Variants in FUT8 observed in about 807,000 individuals in gnomAD.
FUT8 encodes the protein fucosyltransferase 8.
In FUT8, 29 loss-of-function variants were observed where a neutral mutation model predicts 71.3. The ratio of observed to expected loss-of-function variants is 0.41; its 90% CI spans 0.30 to 0.55. FUT8 has a LOEUF of 0.55. Ranked by LOEUF, FUT8 falls within the 20% of genes least tolerant of loss-of-function variation. The pLI, the probability that FUT8 is intolerant of heterozygous loss-of-function variation, is 0.34. For missense variants in FUT8, 544 were observed against 702.1 expected, an observed-to-expected ratio of 0.77 and a Z score of 2.55; for synonymous variants, 254 against 239.3, an observed-to-expected ratio of 1.06 and a Z score of -0.57.
intron 1 of FUT8, among the ~76,000 whole-genome samples, chr14:65,448,727 T>G (rs1043442265): frequency 6.6e-6 from 1 of 152,108 alleles, no homozygotes; most frequent in Non-Finnish European, 1.5e-5. Context: ...GATTTAGAAA[T>G]TCAAGCTGTG....
At position 65,627,192 on chromosome 14, in the gene FUT8, A is replaced by C. The variant is rs143892537; in HGVS notation, c.483-2300A>C. On this transcript the variant is annotated intron_variant, in intron 5 of 10. Coordinates refer to ENST00000673929, the MANE Select transcript of FUT8 (RefSeq NM_001371533.1). The surrounding 1 kb of genome is among the most constrained non-coding windows in gnomAD (Gnocchi z 4.0). ...GAGCTTAAATTCTAGTAGGGCAGAA[A>C]GATAAGAAGTAAGTAATATTGTATA... is the stretch of plus-strand genomic sequence containing the variant. Among the ~76,000 whole-genome samples, 14 of 152,310 alleles carry C rather than the reference A, an allele frequency of 9.2e-5. No individual in the cohort carries two copies. Among genetic ancestry groups the C allele is most frequent in the African/African-American group, 3.4e-4 (14 of 41,568 alleles).
chr14:65,412,624 G>A (rs1334823680), upstream of FUT8: 1 of 296,824 alleles, frequency 3.4e-6, no homozygotes, highest in Non-Finnish European at 6.5e-6. Context: ...GCGAGGAAGG[G>A]GGCGGGGAGA....
In FUT8 at chr14:65,668,003, G is replaced by T. The variant is rs934240484; in HGVS notation, c.598-1240G>T. ...CTCCCTATTCAATAAATTGTGCTGG[G>T]ATAACTGGTTAGCTATATGCATAAG... On this transcript the variant is annotated intron_variant, in intron 6 of 10. Coordinates refer to ENST00000673929, the MANE Select transcript of FUT8 (RefSeq NM_001371533.1). Among the ~76,000 whole-genome samples, 4 of 152,118 alleles carry T rather than the reference G, an allele frequency of 2.6e-5. No homozygotes were observed. The East Asian group carries it at 7.7e-4, about 29-fold the overall frequency.
At chr14:65,418,245 C>G (rs777343554) in intron 1 of FUT8, among the ~76,000 whole-genome samples, 3 of 152,098 alleles carry the variant, frequency 2.0e-5, no homozygotes, top group African/African-American at 7.2e-5. Flanking sequence ...TTACCTTTAA[C>G]GTATAACTAA....
rs2065175320 is a variant in FUT8, at chr14:65,413,648, G to A, written c.-326+434G>A. Reference sequence around the variant, plus strand: ...GCGGTTTGTGGGGAGGAAGATGCCCGTGCGTTATGGGCTCTTTCTGAGTGC... The same window carrying A: ...GCGGTTTGTGGGGAGGAAGATGCCCATGCGTTATGGGCTCTTTCTGAGTGC... On this transcript the variant is annotated intron_variant, in intron 1 of 10. Transcript: ENST00000673929. This position sits in a 1 kb window ranked among gnomAD's most constrained non-coding sequence, Gnocchi z 4.1. Among the ~76,000 whole-genome samples, 1 of 152,198 alleles carries A rather than the reference G, an allele frequency of 6.6e-6. No homozygotes were observed. The highest frequency in any genetic ancestry group is 1.9e-4 in the East Asian group (1 of 5,192).
At chr14:65,715,159 T>G (rs2139326278) in intron 7 of FUT8, among the ~76,000 whole-genome samples, 1 of 152,368 alleles carries the variant, frequency 6.6e-6, no homozygotes, top group Middle Eastern at 3.4e-3. Flanking sequence ...GTGTTCCAGA[T>G]CTTAGAGAAG....
chr14:65,585,361 A>AT (rs2140124980), intron 3 of FUT8, among the ~76,000 whole-genome samples: 1 of 152,066 alleles, frequency 6.6e-6, no homozygotes, highest in African/African-American at 2.4e-5. Flanking sequence ...TAATTTTTAA[A>AT]TTTTTTGTAC....
At chr14:65,445,410 C>T (rs1050848146) in intron 1 of FUT8, among the ~76,000 whole-genome samples, 1 of 152,112 alleles carries the variant, frequency 6.6e-6, no homozygotes, top group Non-Finnish European at 1.5e-5. Flanking sequence ...ATAAATTACC[C>T]TCTCTCAGGT....
At chr14:65,447,656 GGT>G (rs2065763390) in intron 1 of FUT8, among the ~76,000 whole-genome samples, 1 of 151,894 alleles carries the variant, frequency 6.6e-6, no homozygotes, top group Admixed American at 6.6e-5. Flanking sequence ...AGTAGCAAGT[GGT>G]AAGTTCAATT....
intron 2 of FUT8, among the ~76,000 whole-genome samples, chr14:65,493,267 T>A (rs1374138294): frequency 6.6e-6 from 1 of 152,180 alleles, no homozygotes; most frequent in African/African-American, 2.4e-5. Context: ...GCTTGACGGC[T>A]TTTTATAGTG....
intron 1 of FUT8, among the ~76,000 whole-genome samples, chr14:65,435,774 G>A (rs985940438): frequency 3.3e-5 from 5 of 150,248 alleles, no homozygotes; most frequent in African/African-American, 1.2e-4. Context: ...GCACTTGGTA[G>A]TATCTGTTCC....
intron 9 of FUT8, among the ~76,000 whole-genome samples, chr14:65,727,941 G>A (rs1895767400): frequency 6.6e-6 from 1 of 152,038 alleles, no homozygotes; most frequent in South Asian, 2.1e-4. Context: ...AAATCTCTAG[G>A]GCAGAGACAA....
At chr14:65,470,882 G>A (rs893083504) in intron 2 of FUT8, among the ~76,000 whole-genome samples, 1 of 151,978 alleles carries the variant, frequency 6.6e-6, no homozygotes, top group Non-Finnish European at 1.5e-5. Flanking sequence ...AGGGCGGCGG[G>A]CTGTTGAGGG....
chr14:65,575,215 G>A (rs984537643), intron 3 of FUT8, among the ~76,000 whole-genome samples: 2 of 151,758 alleles, frequency 1.3e-5, no homozygotes, highest in Non-Finnish European at 2.9e-5. Context: ...ATTTACCTTC[G>A]TTGTGAAGTT....
chr14:65,393,582 T>C, the FUT8 span, among the ~76,000 whole-genome samples: 4 of 152,194 alleles, frequency 2.6e-5, no homozygotes, highest in African/African-American at 9.7e-5. Flanking sequence ...ATTTGAGTGT[T>C]AATCCATGAA....
intron 6 of FUT8, among the ~76,000 whole-genome samples, chr14:65,650,707 CAAAAA>C (rs57971519): frequency 6.3e-4 from 75 of 118,938 alleles, no homozygotes; most frequent in Middle Eastern, 4.4e-3. Flanking sequence ...CTGCTAATTA[CAAAAA>C]AAAAAAAAAA....
rs931265365 is a variant in FUT8 at position 65,472,882 on chromosome 14, A to T, written c.-228+17164A>T. 6.6e-6 allele frequency among the ~76,000 whole-genome samples: 1 copy of T among 152,216 alleles called. No individual in the cohort carries two copies. Among genetic ancestry groups the T allele is most frequent in the South Asian group, 2.1e-4 (1 of 4,832 alleles). ...ATATCTTAGTAGAAATTGAAGTAGAAAAAGACATTGTTGTAAATTAAATGT... is the reference window on the plus strand; with the variant it reads ...ATATCTTAGTAGAAATTGAAGTAGATAAAGACATTGTTGTAAATTAAATGT... On this transcript the variant is annotated intron_variant, in intron 2 of 10. Coordinates refer to ENST00000673929, the MANE Select transcript of FUT8 (RefSeq NM_001371533.1). This position sits in a 1 kb window ranked among gnomAD's most constrained non-coding sequence, Gnocchi z 4.4.
intron 7 of FUT8, among the ~76,000 whole-genome samples, chr14:65,705,307 C>T (rs1024349603): frequency 3.9e-5 from 6 of 152,146 alleles, no homozygotes; most frequent in African/African-American, 1.4e-4. Flanking sequence ...CATATCTTTC[C>T]TCCCTATTTT....
Position 65,683,013 on chromosome 14 carries a change from AT to A in FUT8, c.835+13550del, listed in dbSNP as rs386364141. Among the ~76,000 whole-genome samples the A allele has an allele frequency of 8.2e-3, 1,162 of 140,930 alleles. 8 individuals carry two copies. The highest frequency in any genetic ancestry group is 0.019 in the African/African-American group (740 of 38,292). The allele number at this position is 140,930 out of a possible 152,430, so 92.5% of individuals were successfully genotyped here. On this transcript the variant is annotated intron_variant, in intron 7 of 10. Transcript: ENST00000673929. ...AATGTTTACATTCACAGTAATTGCA[AT>A]TTTTTTTTTTTTTTTTGATACGGAG...
Sources: allele counts gnomAD v4.1 joint callset (sites outside exome capture counted in the v4.1 genomes callset), GRCh38; gene constraint gnomAD v4.1.1; non-coding constraint Gnocchi (gnomAD v3.1); transcripts MANE v1.5; gene names NCBI Gene and HGNC (gene_info 2026-07-23, HGNC 2026-07-21).